TPGS2: variants seen among roughly 807,000 people sequenced by gnomAD.
The protein encoded by TPGS2 is polyglutamylase subunit 2.
Under a neutral mutation model 31.1 loss-of-function variants are expected in TPGS2, and 26 were observed. The ratio of observed to expected loss-of-function variants is 0.84; its 90% CI spans 0.61 to 1.16. The LOEUF is 1.16. Among genes scored for constraint, TPGS2 ranks in the 50% most tolerant of loss-of-function variants. The probability of loss-of-function intolerance (pLI) is 0.00; values close to 1 mark genes in which losing one functional copy is unlikely to be tolerated. For missense variants in TPGS2, 351 were observed against 363.8 expected (o/e 0.96, Z 0.29); for synonymous variants, 130 against 136.6 (o/e 0.95, Z 0.34).
In TPGS2 at chr18:36,828,995, C is replaced by A. The variant is rs1455879217; in HGVS notation, c.-228G>T. ...CACCGCACCTCCGGGACGTAGCTTC[C>A]CCTTCGCCCCCACCCTCTCGCCCCG... On this transcript the variant is annotated 5_prime_UTR_variant, in exon 1 of 7. Coordinates refer to ENST00000334295, the MANE Select transcript of TPGS2 (RefSeq NM_015476.4). 5 of 1,120,074 alleles carry A rather than the reference C, an allele frequency of 4.5e-6. No homozygotes were observed. The East Asian group carries it at 1.5e-4, about 33-fold the overall frequency. The allele number at this position is 1,120,074 out of a possible 1,614,324, so 69.4% of individuals were successfully genotyped here. A position where few individuals can be genotyped will look rare whatever the true frequency, so the allele number is the denominator to read the frequency against.
At chr18:36,798,114 G>A in intron 6 of TPGS2, 2 of 1,101,730 alleles carry the variant, frequency 1.8e-6, no homozygotes, top group South Asian at 3.3e-5. Flanking sequence ...TTGGAGAACA[G>A]GGGAGTGAGA....
intron 4 of TPGS2, 28 bp downstream of exon 4, chr18:36,805,346 A>G: frequency 1.2e-6 from 2 of 1,611,220 alleles, no homozygotes; most frequent in Non-Finnish European, 1.7e-6. Flanking sequence ...TGCTGGAAAC[A>G]AAGATACCAA....
intron 1 of TPGS2, among the ~76,000 whole-genome samples, chr18:36,824,494 C>A (rs2046044700): frequency 6.6e-6 from 1 of 152,230 alleles, no homozygotes; most frequent in South Asian, 2.1e-4. Flanking sequence ...TACATCCCCA[C>A]CAGCAGTGTA....
chr18:36,790,248 T>G (rs2044262905), downstream of TPGS2: 1 of 152,210 alleles, frequency 6.6e-6, no homozygotes, highest in Non-Finnish European at 1.5e-5. Context: ...AAAAGCAGCA[T>G]TTCAGTTCTT....
chr18:36,821,682 T>C (rs2045901207), intron 1 of TPGS2, among the ~76,000 whole-genome samples: 1 of 152,192 alleles, frequency 6.6e-6, no homozygotes, highest in Non-Finnish European at 1.5e-5. Context: ...TGTGTTAAAC[T>C]AGGTGACATT....
At chr18:36,791,043 T>C (rs1479200062), downstream of TPGS2, among the ~76,000 whole-genome samples, 1 of 152,122 alleles carries the variant, frequency 6.6e-6, no homozygotes, top group Non-Finnish European at 1.5e-5. Flanking sequence ...ATTTCCACCT[T>C]GCCATTCTTG....
At chr18:36,780,890 C>A (rs762161715), downstream of TPGS2, among the ~76,000 whole-genome samples, 4 of 152,218 alleles carry the variant, frequency 2.6e-5, no homozygotes, top group Non-Finnish European at 5.9e-5. Context: ...TGGGACATTA[C>A]TGTGCACTTT....
chr18:36,824,947 C>G (rs566260537), intron 1 of TPGS2, among the ~76,000 whole-genome samples: 6 of 152,024 alleles, frequency 3.9e-5, no homozygotes, highest in African/African-American at 1.5e-4. Context: ...AAAAAAGGAA[C>G]CTAAGGCCTG....
chr18:36,792,325 T>C (rs955148349), downstream of TPGS2, among the ~76,000 whole-genome samples: 1 of 152,226 alleles, frequency 6.6e-6, no homozygotes, highest in Non-Finnish European at 1.5e-5. Context: ...ACGGCATGCC[T>C]GGTCATGAGT....
At chr18:36,805,676 C>T (rs906674066) in intron 3 of TPGS2, among the ~76,000 whole-genome samples, 174 bp from the exon 4 acceptor site, 9 of 152,056 alleles carry the variant, frequency 5.9e-5, no homozygotes, top group Admixed American at 5.2e-4. Context: ...AAGTACCAAC[C>T]TTTCATACAA....
At chr18:36,809,257 C>T (rs930076347) in intron 2 of TPGS2, among the ~76,000 whole-genome samples, 3 of 152,122 alleles carry the variant, frequency 2.0e-5, no homozygotes, top group Admixed American at 1.3e-4. Flanking sequence ...GTGAGTTTGA[C>T]AGGAAGAGAG....
intron 1 of TPGS2, chr18:36,823,874 G>A: frequency 1.0e-6 from 1 of 985,118 alleles, no homozygotes; most frequent in Non-Finnish European, 1.2e-6. Flanking sequence ...TCACAGTCCT[G>A]TGGATTAGAG....
downstream of TPGS2, among the ~76,000 whole-genome samples, chr18:36,782,639 A>C (rs1183581108): frequency 2.6e-5 from 4 of 152,048 alleles, no homozygotes. Context: ...GTTTTTGAGA[A>C]CTTCGCAAAA....
intron 6 of TPGS2, among the ~76,000 whole-genome samples, chr18:36,785,471 G>C (rs1280983095): frequency 6.6e-6 from 1 of 152,150 alleles, no homozygotes; most frequent in African/African-American, 2.4e-5. Flanking sequence ...TTTGTGCTTT[G>C]ATGATAGAGT....
At chr18:36,781,307 T>A (rs2044007082), downstream of TPGS2, among the ~76,000 whole-genome samples, 1 of 152,122 alleles carries the variant, frequency 6.6e-6, no homozygotes, top group African/African-American at 2.4e-5. Context: ...CAGCAGGTAT[T>A]TCGAGGGGTT....
intron 6 of TPGS2, among the ~76,000 whole-genome samples, chr18:36,785,409 G>A (rs1280258425): frequency 3.9e-5 from 6 of 152,138 alleles, no homozygotes; most frequent in South Asian, 2.1e-4. Context: ...CCATTCATCC[G>A]TGTATGTAGG....
chr18:36,805,700 G>A (rs2045092357), intron 3 of TPGS2, among the ~76,000 whole-genome samples, 198 bp from the exon 4 acceptor site: 1 of 152,148 alleles, frequency 6.6e-6, no homozygotes. Flanking sequence ...AAGGAACTGG[G>A]GGCCACGGGT....
chr18:36,815,257 C>T (rs2045601003), intron 2 of TPGS2, among the ~76,000 whole-genome samples: 1 of 152,180 alleles, frequency 6.6e-6, no homozygotes, highest in Non-Finnish European at 1.5e-5. Context: ...TCAGTAACCT[C>T]TAGGGTGAGA....
At chr18:36,802,430 G>C (rs536886038) in intron 4 of TPGS2, among the ~76,000 whole-genome samples, 1 of 151,936 alleles carries the variant, frequency 6.6e-6, no homozygotes, top group Non-Finnish European at 1.5e-5. Flanking sequence ...TACCTGCAGA[G>C]TCTTGCTCTG....
Sources: allele counts gnomAD v4.1 joint callset (sites outside exome capture counted in the v4.1 genomes callset), GRCh38; gene constraint gnomAD v4.1.1; transcripts MANE v1.5; gene names NCBI Gene and HGNC (gene_info 2026-07-23, HGNC 2026-07-21).